STK32C: variants seen among roughly 807,000 people sequenced by gnomAD.
STK32C encodes the protein serine/threonine kinase 32C, also known as serine/threonine-protein kinase 32C.
Under a neutral mutation model 56.5 loss-of-function variants are expected in STK32C, and 31 were observed. The observed-to-expected ratio is 0.55, with a 90% CI of 0.41 to 0.74. The LOEUF (loss-of-function observed/expected upper bound fraction) is 0.74, where lower values mean the gene tolerates loss of function less well. Among genes scored for constraint, STK32C ranks in the 30% least tolerant of loss-of-function variants. The pLI is 0.00. For synonymous variants in STK32C, 309 were observed against 289.4 expected (o/e 1.07, Z -0.69); for missense variants, 544 against 676.9 (o/e 0.80, Z 2.18).
chr10:132,263,320 T>C (rs987068143), intron 1 of STK32C, among the ~76,000 whole-genome samples: 1 of 152,146 alleles, frequency 6.6e-6, no homozygotes, highest in African/African-American at 2.4e-5. Context: ...GCCATAATCC[T>C]AAGCGACTTA....
At chr10:132,297,798 C>T (rs1310766295) in intron 1 of STK32C, among the ~76,000 whole-genome samples, 2 of 152,254 alleles carry the variant, frequency 1.3e-5, no homozygotes. Flanking sequence ...CGCCCCGCGG[C>T]CAGCAGCAGG....
intron 2 of STK32C, among the ~76,000 whole-genome samples, chr10:132,235,386 C>T (rs1203220015): frequency 6.8e-6 from 1 of 146,252 alleles, no homozygotes; most frequent in Non-Finnish European, 1.5e-5. Flanking sequence ...ATCCCAGCTT[C>T]TCGGGAGGCT....
intron 2 of STK32C, among the ~76,000 whole-genome samples, chr10:132,240,356 T>C (rs1451022579): frequency 1.3e-5 from 2 of 151,724 alleles, no homozygotes; most frequent in Non-Finnish European, 2.9e-5. Context: ...CATGGCAGGG[T>C]GGTCCTACAG....
At chr10:132,320,812 A>T (rs1305343405), downstream of STK32C, among the ~76,000 whole-genome samples, 6 of 152,204 alleles carry the variant, frequency 3.9e-5, no homozygotes, top group African/African-American at 1.4e-4. Flanking sequence ...ATTTGGAAAT[A>T]GGGCTCCCTG....
chr10:132,286,511 C>T (rs1274268542), intron 1 of STK32C, among the ~76,000 whole-genome samples: 2 of 152,126 alleles, frequency 1.3e-5, no homozygotes, highest in Admixed American at 6.5e-5. Context: ...CTAATGAACA[C>T]AGATGTAAAA....
At chr10:132,298,705 T>C (rs1278557165) in intron 1 of STK32C, among the ~76,000 whole-genome samples, 2 of 150,206 alleles carry the variant, frequency 1.3e-5, no homozygotes, top group African/African-American at 2.5e-5. Context: ...TGGGAGGGAG[T>C]TGAGCGCAGT....
intron 1 of STK32C, among the ~76,000 whole-genome samples, chr10:132,248,340 C>A (rs1046186847): frequency 8.5e-5 from 13 of 152,348 alleles, no homozygotes; most frequent in African/African-American, 3.1e-4. Context: ...GCAGCAACCC[C>A]AACAGGACAG....
intron 1 of STK32C, among the ~76,000 whole-genome samples, chr10:132,315,334 G>C (rs529232294): frequency 4.6e-5 from 7 of 152,226 alleles, no homozygotes; most frequent in Admixed American, 4.6e-4. Context: ...GGGGGCAAGG[G>C]GAGGGACAGC....
chr10:132,327,355 T>TA (rs1439736490), intron 1 of STK32C, among the ~76,000 whole-genome samples: 1 of 152,188 alleles, frequency 6.6e-6, no homozygotes, highest in East Asian at 1.9e-4. Flanking sequence ...TTAAGTCCAT[T>TA]AAACCTTTTT....
At chr10:132,299,303 T>C (rs1487174579) in intron 1 of STK32C, among the ~76,000 whole-genome samples, 8 of 143,250 alleles carry the variant, frequency 5.6e-5, no homozygotes, top group African/African-American at 1.6e-4. Flanking sequence ...GCAGCATGGA[T>C]AGCTGATCCA....
rs56660868 is a variant in STK32C, at chr10:132,255,911, C to T, written c.263-9956G>A. Among the ~76,000 whole-genome samples the T allele has an allele frequency of 7.8e-4, 119 of 152,340 alleles. No individual in the cohort carries two copies. The highest frequency in any genetic ancestry group is 2.7e-3 in the African/African-American group (114 of 41,574). On this transcript the variant is annotated intron_variant, in intron 1 of 11. Transcript: ENST00000298630. This position sits in a 1 kb window ranked among gnomAD's most constrained non-coding sequence, Gnocchi z 4.6. Reference sequence around the variant, plus strand: ...CCGTCCCCTCACCCAGGGGCAGACCCCCATGACCAGCAGCCTGCAGCCTCT... The same window carrying T: ...CCGTCCCCTCACCCAGGGGCAGACCTCCATGACCAGCAGCCTGCAGCCTCT...
rs554876779 is a variant in STK32C, at chr10:132,237,033, G to A, written c.318+8867C>T. ...CTGCCCCAGTTCCACCCCTAACGACGAGGCCGGCCCTCAGGGACCCACACG... is the reference window on the plus strand; with the variant it reads ...CTGCCCCAGTTCCACCCCTAACGACAAGGCCGGCCCTCAGGGACCCACACG... On this transcript the variant is annotated intron_variant, in intron 2 of 11. Coordinates refer to ENST00000298630, the MANE Select transcript of STK32C (RefSeq NM_173575.4). Among the ~76,000 whole-genome samples the A allele has an allele frequency of 2.0e-4, 31 of 152,336 alleles. No individual in the cohort carries two copies. In the South Asian group the frequency reaches 2.1e-3, roughly 10 times the overall value.
chr10:132,272,450 C>T (rs1355492801), intron 1 of STK32C, among the ~76,000 whole-genome samples: 1 of 152,232 alleles, frequency 6.6e-6, no homozygotes, highest in Non-Finnish European at 1.5e-5. Context: ...TCTAACGTGC[C>T]CTCAACCCAG....
intron 2 of STK32C, among the ~76,000 whole-genome samples, chr10:132,229,914 A>T (rs1183735226): frequency 6.6e-6 from 1 of 152,242 alleles, no homozygotes; most frequent in Non-Finnish European, 1.5e-5. Flanking sequence ...ATGGGCTCTA[A>T]GTATGGCCTC....
chr10:132,288,061 CCCAG>C (rs1369738164), intron 1 of STK32C, among the ~76,000 whole-genome samples: 3 of 151,830 alleles, frequency 2.0e-5, no homozygotes, highest in Admixed American at 6.6e-5. Flanking sequence ...AAGCTCTTCC[CCCAG>C]CCCAAAAAAA....
At chr10:132,280,338 G>A (rs1025103706) in intron 1 of STK32C, among the ~76,000 whole-genome samples, 3 of 122,194 alleles carry the variant, frequency 2.5e-5, no homozygotes, top group Non-Finnish European at 5.0e-5. Context: ...TGACTATGCT[G>A]AGGCCTCCAC....
chr10:132,295,357 C>T (rs1443880714), intron 1 of STK32C, among the ~76,000 whole-genome samples: 2 of 152,136 alleles, frequency 1.3e-5, no homozygotes, highest in African/African-American at 4.8e-5. Context: ...TCGTGCAGTG[C>T]CCGAATGTGA....
chr10:132,239,016 C>T (rs891024612), intron 2 of STK32C, among the ~76,000 whole-genome samples: 1 of 152,202 alleles, frequency 6.6e-6, no homozygotes, highest in Non-Finnish European at 1.5e-5. Context: ...GCTGGACATG[C>T]AGGGCCAAGC....
chr10:132,279,687 G>A (rs1391650673), intron 1 of STK32C, among the ~76,000 whole-genome samples: 1 of 148,894 alleles, frequency 6.7e-6, no homozygotes, highest in Non-Finnish European at 1.5e-5. Context: ...CCGTGATCAC[G>A]ACACTCCACT....
Sources: gnomAD v4.1 joint callset for allele counts (sites outside exome capture counted in the v4.1 genomes callset) on GRCh38, gnomAD v4.1.1 for gene constraint, Gnocchi (gnomAD v3.1) non-coding constraint, MANE v1.5 for transcripts, NCBI Gene and HGNC (gene_info 2026-07-23, HGNC 2026-07-21) for gene names.